Variants in SGCZ observed in about 807,000 individuals in gnomAD.
SGCZ encodes sarcoglycan zeta.
Under a neutral mutation model 41.3 loss-of-function variants are expected in SGCZ, and 40 were observed. The observed-to-expected ratio is 0.97, with a 90% confidence interval of 0.75 to 1.26. The LOEUF (loss-of-function observed/expected upper bound fraction) is 1.26, where lower values mean the gene tolerates loss of function less well. SGCZ is among the 50% of genes most tolerant of loss of function. The pLI, the probability that SGCZ is intolerant of heterozygous loss-of-function variation, is 0.00. For synonymous variants in SGCZ, 206 were observed against 137.5 expected (o/e 1.50, Z -3.49); for missense variants, 552 against 369.8 (o/e 1.49, Z -4.04).
intron 1 of SGCZ, among the ~76,000 whole-genome samples, chr8:15,124,205 A>G (rs567165179): frequency 1.3e-5 from 2 of 152,330 alleles, no homozygotes; most frequent in South Asian, 4.1e-4. Context: ...CATGAAGTGG[A>G]CAGTGACAGC....
At chr8:14,478,885 T>G (rs1351113549) in intron 2 of SGCZ, among the ~76,000 whole-genome samples, 1 of 152,122 alleles carries the variant, frequency 6.6e-6, no homozygotes, top group Non-Finnish European at 1.5e-5. Flanking sequence ...AACTTCAAAA[T>G]CTCTGGTCGC....
chr8:14,537,483 T>C (rs1030134761), intron 2 of SGCZ, among the ~76,000 whole-genome samples: 1 of 151,988 alleles, frequency 6.6e-6, no homozygotes, highest in Non-Finnish European at 1.5e-5. Flanking sequence ...AATATTTCAA[T>C]ATTTGGCCTC....
intron 1 of SGCZ, among the ~76,000 whole-genome samples, chr8:15,020,697 A>C: frequency 6.6e-6 from 1 of 152,208 alleles, no homozygotes; most frequent in Admixed American, 6.5e-5. Flanking sequence ...ATTACAAGAT[A>C]GTTATTTGCA....
intron 1 of SGCZ, among the ~76,000 whole-genome samples, chr8:14,600,757 T>C (rs565815445): frequency 6.6e-6 from 1 of 152,320 alleles, no homozygotes; most frequent in East Asian, 1.9e-4. Context: ...AAGGTATCCT[T>C]GTACTATTTT....
At chr8:15,236,299 C>G (rs1172721860) in intron 1 of SGCZ, among the ~76,000 whole-genome samples, 1 of 152,198 alleles carries the variant, frequency 6.6e-6, no homozygotes, top group Non-Finnish European at 1.5e-5. Context: ...TCCTGCGTGC[C>G]CCCTGGCCAG....
At chr8:15,008,569 GA>G (rs1157162653) in intron 1 of SGCZ, among the ~76,000 whole-genome samples, 16 of 65,002 alleles carry the variant, frequency 2.5e-4, no homozygotes, top group African/African-American at 9.8e-4. Context: ...GGGAGGGAGG[GA>G]GGGGGAGGGG....
chr8:14,482,791 G>C (rs1245101477), intron 2 of SGCZ, among the ~76,000 whole-genome samples: 6 of 151,748 alleles, frequency 4.0e-5, no homozygotes, highest in African/African-American at 1.5e-4. Context: ...ACTGCACGAG[G>C]GGAGACATTG....
chr8:14,278,157 C>T (rs1169994127), intron 3 of SGCZ, among the ~76,000 whole-genome samples: 1 of 152,076 alleles, frequency 6.6e-6, no homozygotes, highest in South Asian at 2.1e-4. Flanking sequence ...TTCATTCTCC[C>T]TAAAAATTAC....
intron 4 of SGCZ, among the ~76,000 whole-genome samples, chr8:14,185,609 CT>C (rs1804878445): frequency 6.6e-6 from 1 of 152,068 alleles, no homozygotes; most frequent in Non-Finnish European, 1.5e-5. Flanking sequence ...TCTCATAGTA[CT>C]TTTGTGAAAT....
chr8:15,169,287 T>C (rs921287947), intron 1 of SGCZ, among the ~76,000 whole-genome samples: 14 of 152,104 alleles, frequency 9.2e-5, no homozygotes, highest in Admixed American at 7.9e-4. Flanking sequence ...GAGGAGGGTG[T>C]CCTCAGAGAA....
chr8:15,080,951 AC>A (rs1047934734), intron 1 of SGCZ, among the ~76,000 whole-genome samples: 1 of 152,032 alleles, frequency 6.6e-6, no homozygotes, highest in African/African-American at 2.4e-5. Flanking sequence ...CAGAGGGAAG[AC>A]CACGTGAAGA....
intron 7 of SGCZ, among the ~76,000 whole-genome samples, chr8:14,099,495 G>C (rs1189960807): frequency 1.3e-5 from 2 of 152,134 alleles, no homozygotes; most frequent in East Asian, 3.9e-4. Flanking sequence ...GGGAGGCTGA[G>C]GCGGGAGGAT....
intron 1 of SGCZ, among the ~76,000 whole-genome samples, chr8:15,016,257 T>C (rs1038108920): frequency 6.6e-6 from 1 of 152,122 alleles, no homozygotes; most frequent in Non-Finnish European, 1.5e-5. Context: ...TTCCAATCTC[T>C]CTCACTGGTT....
In SGCZ at chr8:14,248,490, T is replaced by C. The variant is rs1799181987; in HGVS notation, c.337-10811A>G. 2.0e-5 allele frequency among the ~76,000 whole-genome samples: 3 copies of C among 152,236 alleles called. No homozygotes were observed. In the South Asian group the frequency reaches 6.2e-4, roughly 32 times the overall value. ...AAGTAAGTAGGGAACTAAGCCTCTATTAAACTGGTTTTCTTTTATCTTGGT... is the reference window on the plus strand; with the variant it reads ...AAGTAAGTAGGGAACTAAGCCTCTACTAAACTGGTTTTCTTTTATCTTGGT... On this transcript the variant is annotated intron_variant, in intron 3 of 7. Coordinates refer to ENST00000382080, the MANE Select transcript of SGCZ (RefSeq NM_139167.4).
At chr8:14,718,815 T>C (rs961960045) in intron 1 of SGCZ, among the ~76,000 whole-genome samples, 3 of 150,138 alleles carry the variant, frequency 2.0e-5, no homozygotes, top group Non-Finnish European at 3.0e-5. Flanking sequence ...CCACTCTTTG[T>C]CTTTTTTCTT....
chr8:14,975,809 ATGTG>A (rs66667974), intron 1 of SGCZ, among the ~76,000 whole-genome samples: 45,646 of 131,494 alleles, frequency 0.35, 8,546 homozygotes, highest in Non-Finnish European at 0.41. Context: ...ATATATATAT[ATGTG>A]TGTGTGTGTG....
At chr8:15,035,310 G>C (rs982152072) in intron 1 of SGCZ, among the ~76,000 whole-genome samples, 5 of 152,032 alleles carry the variant, frequency 3.3e-5, no homozygotes, top group African/African-American at 1.2e-4. Flanking sequence ...CTTTATATAA[G>C]CTTCATAGTA....
chr8:14,694,921 A>G (rs1808908233), intron 1 of SGCZ, among the ~76,000 whole-genome samples: 1 of 152,186 alleles, frequency 6.6e-6, no homozygotes, highest in Admixed American at 6.5e-5. Flanking sequence ...TCAAAATGCA[A>G]TGTTTAATAT....
chr8:15,170,401 G>C (rs1314897077), intron 1 of SGCZ, among the ~76,000 whole-genome samples: 3 of 152,130 alleles, frequency 2.0e-5, no homozygotes, highest in Non-Finnish European at 4.4e-5. Flanking sequence ...TCCCAGCCTT[G>C]AATAAATCAC....
Sources: gnomAD v4.1 joint callset for allele counts (sites outside exome capture counted in the v4.1 genomes callset) on GRCh38, gnomAD v4.1.1 for gene constraint, MANE v1.5 for transcripts, NCBI Gene and HGNC (gene_info 2026-07-23, HGNC 2026-07-21) for gene names.